KLHL2: variants seen among roughly 807,000 people sequenced by gnomAD.
KLHL2 encodes kelch like family member 2.
A neutral mutation model predicts 75.8 loss-of-function variants in KLHL2; 15 were observed. The observed-to-expected ratio is 0.20, with a 90% CI of 0.13 to 0.30. The LOEUF is 0.30. Among genes scored for constraint, KLHL2 ranks in the 10% least tolerant of loss-of-function variants. The pLI, the probability that KLHL2 is intolerant of heterozygous loss-of-function variation, is 1.00. For synonymous variants in KLHL2, 214 were observed against 251.9 expected (o/e 0.85, Z 1.42); for missense variants, 381 against 741.0 (o/e 0.51, Z 5.64).
chr4:165,293,670 AT>A (rs35736944), intron 5 of KLHL2, among the ~76,000 whole-genome samples: 2,078 of 125,956 alleles, frequency 0.016, 31 homozygotes, highest in East Asian at 0.11. Flanking sequence ...TGCCTGGCTA[AT>A]TTTTTTTTTT....
chr4:165,245,166 C>T (rs1167047414), intron 4 of KLHL2, among the ~76,000 whole-genome samples: 4 of 152,098 alleles, frequency 2.6e-5, no homozygotes, highest in Admixed American at 6.5e-5. Flanking sequence ...GAAGATCGCA[C>T]CACTGCACTC....
intron 4 of KLHL2, among the ~76,000 whole-genome samples, chr4:165,256,023 C>G (rs1741138696): frequency 6.6e-6 from 1 of 151,884 alleles, no homozygotes; most frequent in African/African-American, 2.4e-5. Flanking sequence ...AATAGCCAAG[C>G]AGAAGGAGTA....
At position 165,214,081 on chromosome 4, in the gene KLHL2, A is replaced by G. The variant is rs149050629; in HGVS notation, c.27-5853A>G. Among the ~76,000 whole-genome samples the G allele has an allele frequency of 6.4e-3, 967 of 152,272 alleles. 14 individuals are homozygous for G. The highest frequency in any genetic ancestry group is 0.022 in the African/African-American group (914 of 41,550). On this transcript the variant is annotated intron_variant, in intron 1 of 14. Coordinates refer to ENST00000226725, the MANE Select transcript of KLHL2 (RefSeq NM_007246.4). ...GGGTCTCTTGGTTAGTATTTGGCAT[A>G]GACAGAACTACAATTTTGGGCTTCT... is the stretch of plus-strand genomic sequence containing the variant.
At chr4:165,226,432 T>A (rs1738438925) in intron 2 of KLHL2, among the ~76,000 whole-genome samples, 3 of 152,222 alleles carry the variant, frequency 2.0e-5, no homozygotes, top group African/African-American at 7.2e-5. Flanking sequence ...GGCCAATAGC[T>A]GCAGGAAGCC....
chr4:165,219,733 A>G (rs1247006653), intron 1 of KLHL2: 1 of 1,285,558 alleles, frequency 7.8e-7, no homozygotes, highest in Admixed American at 3.8e-5. Context: ...GTAATTACCC[A>G]CTTTTTAATT....
At chr4:165,296,783 G>A (rs551131043) in intron 6 of KLHL2, among the ~76,000 whole-genome samples, 81 of 152,254 alleles carry the variant, frequency 5.3e-4, no homozygotes, top group Middle Eastern at 3.4e-3. Flanking sequence ...CACCTGGCAC[G>A]TAGAGACACT....
intron 5 of KLHL2, among the ~76,000 whole-genome samples, chr4:165,292,676 T>C (rs1744608102): frequency 6.6e-6 from 1 of 152,160 alleles, no homozygotes; most frequent in Admixed American, 6.5e-5. Flanking sequence ...TTTATGAAAA[T>C]GCAGGTTTTA....
intron 5 of KLHL2, among the ~76,000 whole-genome samples, chr4:165,291,047 T>C (rs1051108936): frequency 1.6e-4 from 25 of 152,352 alleles, no homozygotes; most frequent in African/African-American, 5.5e-4. Flanking sequence ...TGGTATCTCA[T>C]TGATGTTTTA....
chr4:165,294,861 A>G (rs2126495340), intron 6 of KLHL2, among the ~76,000 whole-genome samples: 1 of 152,346 alleles, frequency 6.6e-6, no homozygotes, highest in African/African-American at 2.4e-5. Context: ...ATTTGTCACT[A>G]AATTAGTTTC....
chr4:165,235,076 T>C (rs1382163718), intron 3 of KLHL2, among the ~76,000 whole-genome samples: 2 of 152,236 alleles, frequency 1.3e-5, no homozygotes, highest in Non-Finnish European at 2.9e-5. Flanking sequence ...TGATGTTCAA[T>C]AAATGTTGAC....
At chr4:165,253,571 A>G (rs1370920490) in intron 4 of KLHL2, among the ~76,000 whole-genome samples, 2 of 152,224 alleles carry the variant, frequency 1.3e-5, no homozygotes, top group Admixed American at 6.5e-5. Context: ...TAATTTACAT[A>G]CTGTAGATCT....
rs139790339 is a variant in KLHL2 at position 165,216,694 on chromosome 4, T to C, written c.27-3240T>C. ...AGACATTATGCATCATTTTCTGTTC[T>C]GCTTCTGAATGAGAAGCCATCTAAC... On this transcript the variant is annotated intron_variant, in intron 1 of 14. Transcript: ENST00000226725. Among the ~76,000 whole-genome samples the C allele has an allele frequency of 3.9e-3, 587 of 152,302 alleles. 4 individuals carry two copies. The highest frequency in any genetic ancestry group is 0.022 in the South Asian group (104 of 4,828).
chr4:165,210,923 C>T (rs1321937979), intron 1 of KLHL2, among the ~76,000 whole-genome samples: 1 of 151,756 alleles, frequency 6.6e-6, no homozygotes, highest in Non-Finnish European at 1.5e-5. Flanking sequence ...TTTCACAAGT[C>T]GGCTTACTCT....
intron 13 of KLHL2, among the ~76,000 whole-genome samples, chr4:165,317,053 G>T (rs1030367390): frequency 1.3e-5 from 2 of 152,014 alleles, no homozygotes; most frequent in Non-Finnish European, 2.9e-5. Context: ...TTTTTGCAAA[G>T]AAAAGAGTTA....
Position 165,314,196 on chromosome 4 carries a change from A to C in KLHL2, c.1609+30A>C, listed in dbSNP as rs755719638. On this transcript the variant is annotated intron_variant, in intron 13 of 14. Coordinates refer to ENST00000226725, the MANE Select transcript of KLHL2 (RefSeq NM_007246.4). ...CTGTCAGTTTAAGGTTATAAAACTTATGTTGAATTTTATTTTAAGTTTCAC... is the reference window on the plus strand; with the variant it reads ...CTGTCAGTTTAAGGTTATAAAACTTCTGTTGAATTTTATTTTAAGTTTCAC... The C allele has an allele frequency of 1.4e-5, 22 of 1,587,476 alleles. No individual in the cohort carries two copies. In the Admixed American group the frequency reaches 1.6e-4, roughly 11 times the overall value.
intron 5 of KLHL2, among the ~76,000 whole-genome samples, chr4:165,280,668 C>A (rs1237670396): frequency 6.6e-6 from 1 of 152,232 alleles, no homozygotes; most frequent in Non-Finnish European, 1.5e-5. Flanking sequence ...GTCATGCCAA[C>A]TCAAATGATG....
intron 9 of KLHL2, among the ~76,000 whole-genome samples, chr4:165,307,912 G>C (rs55672136): frequency 0.25 from 38,201 of 152,022 alleles, 5,483 homozygotes; most frequent in Non-Finnish European, 0.34. Context: ...TGGCTAGTCA[G>C]TTGTCCAAAT....
chr4:165,321,213 C>T, intron 14 of KLHL2: 1 of 454,098 alleles, frequency 2.2e-6, no homozygotes. Context: ...GTCTGCCTCT[C>T]CTGTTTCCCC....
chr4:165,300,179 C>G (rs909813777), intron 8 of KLHL2, among the ~76,000 whole-genome samples: 2 of 151,848 alleles, frequency 1.3e-5, no homozygotes, highest in African/African-American at 4.8e-5. Context: ...ATCTCTGCTA[C>G]TCAGGAGGCT....
Sources: gnomAD v4.1 joint callset for allele counts (sites outside exome capture counted in the v4.1 genomes callset) on GRCh38, gnomAD v4.1.1 for gene constraint, MANE v1.5 for transcripts, NCBI Gene and HGNC (gene_info 2026-07-23, HGNC 2026-07-21) for gene names.